ANKRD44: variants seen among roughly 807,000 people sequenced by gnomAD.
ANKRD44 encodes serine/threonine-protein phosphatase 6 regulatory ankyrin repeat subunit B.
A neutral mutation model predicts 116.0 loss-of-function variants in ANKRD44; 35 were observed. The observed-to-expected ratio is 0.30, with a 90% CI of 0.23 to 0.40. The LOEUF is 0.40. ANKRD44 is among the 10% of genes least tolerant of loss of function. The pLI is 1.00. For missense variants in ANKRD44, 1,014 were observed against 1,242.6 expected, an observed-to-expected ratio of 0.82 and a Z score of 2.77; for synonymous variants, 435 against 461.8, an observed-to-expected ratio of 0.94 and a Z score of 0.74.
intron 2 of ANKRD44, among the ~76,000 whole-genome samples, chr2:197,175,393 G>C (rs2080341432): frequency 6.6e-6 from 1 of 152,122 alleles, no homozygotes; most frequent in African/African-American, 2.4e-5. Context: ...AGTCAATCCT[G>C]CATGTGTGTT....
chr2:197,014,745 C>T (rs974852844), intron 17 of ANKRD44, among the ~76,000 whole-genome samples: 1 of 151,492 alleles, frequency 6.6e-6, no homozygotes, highest in Non-Finnish European at 1.5e-5. Flanking sequence ...TATCACGACT[C>T]TGCACTCCAG....
At chr2:197,042,074 T>C (rs2076920422) in intron 16 of ANKRD44, among the ~76,000 whole-genome samples, 1 of 152,190 alleles carries the variant, frequency 6.6e-6, no homozygotes, top group African/African-American at 2.4e-5. Context: ...ATAAAAATCA[T>C]AATATAACTT....
intron 16 of ANKRD44, among the ~76,000 whole-genome samples, chr2:197,061,912 C>G (rs1219248232): frequency 1.3e-5 from 2 of 151,918 alleles, no homozygotes; most frequent in African/African-American, 4.8e-5. Context: ...TCCCAAGTAG[C>G]TGGGATTACA....
chr2:197,132,394 T>C (rs1452758273), intron 4 of ANKRD44, among the ~76,000 whole-genome samples: 1 of 152,238 alleles, frequency 6.6e-6, no homozygotes, highest in Non-Finnish European at 1.5e-5. Flanking sequence ...ATGGAGGACA[T>C]AATGTCAGGC....
At chr2:196,998,516 TAC>T (rs1256682337) in intron 24 of ANKRD44, 97 bp from the exon 25 acceptor site, 2 of 842,040 alleles carry the variant, frequency 2.4e-6, no homozygotes, top group Non-Finnish European at 3.9e-6. Flanking sequence ...TTTAAATTAG[TAC>T]AGTTCACATA....
rs2078250196 is a variant in ANKRD44, at chr2:197,099,924, T to G, written c.992A>C (p.Glu331Ala). 1 of 1,614,054 alleles carries G rather than the reference T, an allele frequency of 6.2e-7. No homozygotes were observed. The highest frequency in any genetic ancestry group is 8.5e-7 in the Non-Finnish European group (1 of 1,179,916). Residue 331 changes from glutamate to alanine, a missense_variant, in exon 10 of 28, where the codon GAA becomes GCA. Coordinates refer to ENST00000282272, the MANE Select transcript of ANKRD44 (RefSeq NM_001195144.2). ...RSQTLIQNGG[E>A]IDCVDKDGNT... is the part of the protein sequence containing the mutation. ...GCCGTCCTTATCCACACAGTCAATTTCACCTCCTGAAAGAGATATTTTAAT... is the reference window on the plus strand; with the variant it reads ...GCCGTCCTTATCCACACAGTCAATTGCACCTCCTGAAAGAGATATTTTAAT...
At chr2:197,003,347 AT>A (rs1391438113) in intron 21 of ANKRD44, among the ~76,000 whole-genome samples, 1 of 152,006 alleles carries the variant, frequency 6.6e-6, no homozygotes, top group East Asian at 1.9e-4. Flanking sequence ...AAGTTGTATG[AT>A]TTAGCCTTCC....
chr2:197,223,869 T>G (rs866651142), intron 1 of ANKRD44, among the ~76,000 whole-genome samples: 1 of 152,354 alleles, frequency 6.6e-6, no homozygotes, highest in Middle Eastern at 3.4e-3. Context: ...ACCTATCACT[T>G]ACATAATGGA....
At chr2:197,159,617 AGT>A (rs906786557) in intron 2 of ANKRD44, among the ~76,000 whole-genome samples, 1 of 152,370 alleles carries the variant, frequency 6.6e-6, no homozygotes. Context: ...TTGATATGTG[AGT>A]GTGTTTCTTT....
At chr2:196,985,983 T>A (rs1189180956), downstream of ANKRD44, among the ~76,000 whole-genome samples, 4 of 152,194 alleles carry the variant, frequency 2.6e-5, no homozygotes, top group Non-Finnish European at 5.9e-5. Context: ...ATGGTTGATT[T>A]CACAATTTTG....
intron 1 of ANKRD44, among the ~76,000 whole-genome samples, chr2:197,236,989 G>A (rs1004696040): frequency 6.6e-6 from 1 of 152,198 alleles, no homozygotes; most frequent in East Asian, 1.9e-4. Flanking sequence ...GAAAATAGGA[G>A]GAACAAAGTG....
chr2:197,182,284 C>T (rs944348400), intron 2 of ANKRD44, among the ~76,000 whole-genome samples: 2 of 152,132 alleles, frequency 1.3e-5, no homozygotes, highest in African/African-American at 4.8e-5. Flanking sequence ...CCTGGTATGC[C>T]ATTAACCACA....
intron 1 of ANKRD44, among the ~76,000 whole-genome samples, chr2:197,298,250 G>A (rs547472864): frequency 6.6e-6 from 1 of 152,174 alleles, no homozygotes; most frequent in Non-Finnish European, 1.5e-5. Context: ...GTAAGAAAGC[G>A]ATTTTTGGCA....
intron 1 of ANKRD44, among the ~76,000 whole-genome samples, chr2:197,209,299 G>A (rs1009904254): frequency 6.6e-6 from 1 of 152,202 alleles, no homozygotes; most frequent in African/African-American, 2.4e-5. Context: ...ACAAGTTTTA[G>A]TTGGCATCCT....
chr2:197,111,225 A>C (rs1199888233), intron 8 of ANKRD44, among the ~76,000 whole-genome samples: 1 of 152,208 alleles, frequency 6.6e-6, no homozygotes, highest in Non-Finnish European at 1.5e-5. Flanking sequence ...TGGAGAAGGA[A>C]GTTTCCTTCA....
chr2:197,117,507 G>A (rs570533513), intron 8 of ANKRD44, among the ~76,000 whole-genome samples: 11 of 152,048 alleles, frequency 7.2e-5, no homozygotes, highest in South Asian at 4.2e-4. Context: ...CAAAGTGCTC[G>A]GATTACAGGC....
chr2:196,999,260 G>C (rs921552083), intron 23 of ANKRD44, among the ~76,000 whole-genome samples: 1 of 152,136 alleles, frequency 6.6e-6, no homozygotes, highest in Non-Finnish European at 1.5e-5. Flanking sequence ...GATTTGGGAG[G>C]GGGGTGTGTG....
chr2:197,260,132 G>A (rs1036852408), intron 1 of ANKRD44, among the ~76,000 whole-genome samples: 5 of 152,026 alleles, frequency 3.3e-5, no homozygotes, highest in African/African-American at 4.8e-5. Flanking sequence ...TGTGCACAAC[G>A]TGCAGGTTTG....
chr2:197,252,648 C>A (rs2082348909), intron 1 of ANKRD44, among the ~76,000 whole-genome samples: 1 of 152,128 alleles, frequency 6.6e-6, no homozygotes, highest in African/African-American at 2.4e-5. Flanking sequence ...ACCTCATGAT[C>A]CGCCCACCTC....
Sources: gnomAD v4.1 joint callset for allele counts (sites outside exome capture counted in the v4.1 genomes callset) on GRCh38, gnomAD v4.1.1 for gene constraint, MANE v1.5 for transcripts, NCBI Gene and HGNC (gene_info 2026-07-23, HGNC 2026-07-21) for gene names.